IGF1R: variants seen among roughly 807,000 people sequenced by gnomAD.
The protein encoded by IGF1R is insulin like growth factor 1 receptor, also known as insulin-like growth factor 1 receptor.
IGF1R carries 44 observed loss-of-function variants against 144.6 expected under a neutral mutation model. The ratio of observed to expected loss-of-function variants is 0.30; its 90% CI spans 0.24 to 0.39. IGF1R has a LOEUF of 0.39. IGF1R is among the 10% of genes least tolerant of loss of function. The pLI is 1.00. For missense variants in IGF1R, 1,355 were observed against 1,833.7 expected (o/e 0.74, Z 4.77); for synonymous variants, 795 against 722.8 (o/e 1.10, Z -1.60).
intron 1 of IGF1R, among the ~76,000 whole-genome samples, chr15:98,677,295 G>T (rs1468266113): frequency 6.6e-6 from 1 of 152,074 alleles, no homozygotes; most frequent in Non-Finnish European, 1.5e-5. Flanking sequence ...GGTATTTTCT[G>T]TACTTATCTT....
chr15:98,714,480 TA>T, intron 2 of IGF1R, among the ~76,000 whole-genome samples: 1 of 152,134 alleles, frequency 6.6e-6, no homozygotes, highest in African/African-American at 2.4e-5. Flanking sequence ...CTTGTTCATA[TA>T]AAAAAATTTA....
At chr15:98,821,857 G>A (rs940832181) in intron 2 of IGF1R, among the ~76,000 whole-genome samples, 1 of 126,952 alleles carries the variant, frequency 7.9e-6, no homozygotes, top group Admixed American at 8.7e-5. Context: ...ACACACGGGT[G>A]TATGTGTGCA....
At chr15:98,678,271 A>G (rs1439878656) in intron 1 of IGF1R, among the ~76,000 whole-genome samples, 1 of 152,184 alleles carries the variant, frequency 6.6e-6, no homozygotes, top group African/African-American at 2.4e-5. Context: ...TTGGTTTGCT[A>G]ACATATTCAG....
In IGF1R at chr15:98,948,631, C is replaced by T; in HGVS notation, c.3645C>T (p.Gly1215=). 1.2e-6 allele frequency: 2 copies of T among 1,614,188 alleles called. No individual in the cohort carries two copies. The highest frequency in any genetic ancestry group is 1.1e-5 in the South Asian group (1 of 91,092). The change falls in exon 20 of 21, where the codon GGC becomes GGT. Residue 1215 remains glycine, a synonymous_variant. Coordinates refer to ENST00000650285, the MANE Select transcript of IGF1R (RefSeq NM_000875.5). ...CACTGGCCGAGCAGCCCTACCAGGG[C>T]TTGTCCAACGAGCAAGTCCTTCGCT... ...IATLAEQPYQ[G]LSNEQVLRFV...
intron 2 of IGF1R, among the ~76,000 whole-genome samples, chr15:98,726,667 T>A (rs2054368152): frequency 6.6e-6 from 1 of 152,094 alleles, no homozygotes; most frequent in Non-Finnish European, 1.5e-5. Context: ...TTTCTCTGAC[T>A]TTTTAAATTC....
intron 5 of IGF1R, among the ~76,000 whole-genome samples, chr15:98,908,137 C>A (rs1410599824): frequency 6.6e-6 from 1 of 152,228 alleles, no homozygotes; most frequent in East Asian, 1.9e-4. Flanking sequence ...GGAGCTGGGG[C>A]TGCTCAGAAT....
intron 2 of IGF1R, among the ~76,000 whole-genome samples, chr15:98,833,382 G>A (rs1040529941): frequency 6.6e-6 from 1 of 152,178 alleles, no homozygotes; most frequent in Non-Finnish European, 1.5e-5. Context: ...GGGTTTGCAG[G>A]TAGACACCTT....
chr15:98,953,776 G>GT (rs1254848714), intron 20 of IGF1R, among the ~76,000 whole-genome samples: 3 of 152,216 alleles, frequency 2.0e-5, no homozygotes, highest in Non-Finnish European at 2.9e-5. Context: ...AACAAACTTA[G>GT]TGAAATCTGA....
chr15:98,730,152 T>C (rs376641083), intron 2 of IGF1R, among the ~76,000 whole-genome samples: 71 of 152,274 alleles, frequency 4.7e-4, no homozygotes, highest in African/African-American at 1.6e-3. Context: ...AATGTCTGAG[T>C]GTACCACTGC....
At chr15:98,712,907 G>A (rs996802692) in intron 2 of IGF1R, among the ~76,000 whole-genome samples, 15 of 149,312 alleles carry the variant, frequency 1.0e-4, no homozygotes, top group African/African-American at 3.2e-4. Context: ...ACTGCGCCCG[G>A]CCATCTAGTG....
At chr15:98,745,891 C>A (rs77996352) in intron 2 of IGF1R, among the ~76,000 whole-genome samples, 3,823 of 152,284 alleles carry the variant, frequency 0.025, 152 homozygotes, top group African/African-American at 0.087. Flanking sequence ...AATTCTACTT[C>A]TAGGAATTTA....
At chr15:98,937,892 C>T (rs1304202866) in intron 17 of IGF1R, among the ~76,000 whole-genome samples, 1 of 152,198 alleles carries the variant, frequency 6.6e-6, no homozygotes, top group Non-Finnish European at 1.5e-5. Flanking sequence ...GTATCTAAAG[C>T]CCTGAAAAGT....
At chr15:98,878,788 C>G (rs968161232) in intron 2 of IGF1R, among the ~76,000 whole-genome samples, 3 of 151,158 alleles carry the variant, frequency 2.0e-5, no homozygotes, top group Non-Finnish European at 4.4e-5. Flanking sequence ...GTCAGGAGAG[C>G]GAGACCATCC....
chr15:98,747,088 G>T (rs1236991028), intron 2 of IGF1R, among the ~76,000 whole-genome samples: 1 of 152,202 alleles, frequency 6.6e-6, no homozygotes, highest in East Asian at 1.9e-4. Flanking sequence ...TGTAAGTGCA[G>T]TGTAATGTAA....
In IGF1R at chr15:98,935,221, C is replaced by A; in HGVS notation, c.3187-95C>A. 9.9e-7 allele frequency: 1 copy of A among 1,010,288 alleles called. No homozygotes were observed. Among genetic ancestry groups the A allele is most frequent in the Non-Finnish European group, 1.5e-6 (1 of 654,108 alleles). The allele number at this position is 1,010,288 out of a possible 1,614,324, so 62.6% of individuals were successfully genotyped here. A position where few individuals can be genotyped will look rare whatever the true frequency, so the allele number is the denominator to read the frequency against. On this transcript the variant is annotated intron_variant, in intron 16 of 20. Transcript: ENST00000650285. This position sits in a 1 kb window ranked among gnomAD's most constrained non-coding sequence, Gnocchi z 4.2. ...CTACCTTCAGACCCCTGTGCTCAGACCAGGCCGCAGCACCACAGAGACAGT... is the reference window on the plus strand; with the variant it reads ...CTACCTTCAGACCCCTGTGCTCAGAACAGGCCGCAGCACCACAGAGACAGT...
chr15:98,649,738 GT>G lies in IGF1R; in HGVS notation c.94+66del, dbSNP rs1215317426. The G allele has an allele frequency of 2.3e-6, 3 of 1,314,524 alleles. No homozygotes were observed. In the African/African-American group the frequency reaches 4.4e-5, roughly 19 times the overall value. The allele number at this position is 1,314,524 out of a possible 1,614,324, so 81.4% of individuals were successfully genotyped here. On this transcript the variant is annotated intron_variant, in intron 1 of 20. Transcript: ENST00000650285. ...CTTTTCCTCCGAGGGGCTGCGCCCT[GT>G]TTGCGAAACCCGAGTTGCCACCGTC...
intron 2 of IGF1R, among the ~76,000 whole-genome samples, chr15:98,769,036 T>A (rs1409991081): frequency 6.6e-6 from 1 of 152,198 alleles, no homozygotes; most frequent in Non-Finnish European, 1.5e-5. Flanking sequence ...CACTTAATAT[T>A]TGATGCAAAA....
At chr15:98,755,820 G>A (rs993629659) in intron 2 of IGF1R, among the ~76,000 whole-genome samples, 4 of 142,378 alleles carry the variant, frequency 2.8e-5, no homozygotes, top group African/African-American at 7.8e-5. Context: ...GTTAAGTTTT[G>A]GTAAATATAG....
At chr15:98,900,061 A>G (rs545980457) in intron 5 of IGF1R, among the ~76,000 whole-genome samples, 1 of 152,354 alleles carries the variant, frequency 6.6e-6, no homozygotes, top group African/African-American at 2.4e-5. Flanking sequence ...AAGTGAGAGC[A>G]CGGGAGGAGC....
Sources: gnomAD v4.1 joint callset for allele counts (sites outside exome capture counted in the v4.1 genomes callset) on GRCh38, gnomAD v4.1.1 for gene constraint, Gnocchi (gnomAD v3.1) non-coding constraint, MANE v1.5 for transcripts, NCBI Gene and HGNC (gene_info 2026-07-23, HGNC 2026-07-21) for gene names.